GABRA2: variants seen among roughly 807,000 people sequenced by gnomAD.
The protein encoded by GABRA2 is gamma-aminobutyric acid receptor subunit alpha-2.
Under a neutral mutation model 48.7 loss-of-function variants are expected in GABRA2, and 16 were observed. The ratio of observed to expected loss-of-function variants is 0.33; its 90% confidence interval spans 0.22 to 0.50. The LOEUF is 0.50. GABRA2 is among the 20% of genes least tolerant of loss of function. The pLI is 0.98. For missense variants in GABRA2, 275 were observed against 535.6 expected (o/e 0.51, Z 4.80); for synonymous variants, 185 against 184.5 (o/e 1.00, Z -0.02).
At chr4:46,370,599 T>A (rs533792078) in intron 3 of GABRA2, among the ~76,000 whole-genome samples, 20 of 152,260 alleles carry the variant, frequency 1.3e-4, no homozygotes, top group African/African-American at 3.8e-4. Context: ...ATTACTATCT[T>A]ACTTACACCA....
intron 9 of GABRA2, among the ~76,000 whole-genome samples, chr4:46,256,042 T>G (rs1045919764): frequency 1.3e-5 from 2 of 151,534 alleles, no homozygotes; most frequent in African/African-American, 4.8e-5. Context: ...AAAGGGCAAA[T>G]CTATGCTTTT....
rs56201706 is a variant in GABRA2 at position 46,297,476 on chromosome 4, CATATATAT to C, written c.856+5976_856+5983del. The stretch of plus-strand genomic sequence containing the variant: ...GAGTTAATACTACTTAATAAAATCC[CATATATAT>C]ATATATATATATATATATATATATA... On this transcript the variant is annotated intron_variant, in intron 8 of 9. Transcript: ENST00000381620. Among the ~76,000 whole-genome samples, 523 of 87,894 alleles carry C rather than the reference CATATATAT, an allele frequency of 6.0e-3. 26 individuals are homozygous for C. Among genetic ancestry groups the C allele is most frequent in the African/African-American group, 0.023 (459 of 20,396 alleles). 57.7% of individuals were successfully genotyped at this position (87,894 alleles called of 152,430 possible).
In GABRA2 at chr4:46,350,513, A is replaced by G. The variant is rs182622656; in HGVS notation, c.188-17831T>C. On this transcript the variant is annotated intron_variant, in intron 3 of 9. Transcript: ENST00000381620. ...TTTGTATATATATACACATACATACATACCTGTATATAAATACACATGCAT... is the reference window on the plus strand; with the variant it reads ...TTTGTATATATATACACATACATACGTACCTGTATATAAATACACATGCAT... Among the ~76,000 whole-genome samples, 357 of 151,944 alleles carry G rather than the reference A, an allele frequency of 2.3e-3. 5 individuals are homozygous for G. Among genetic ancestry groups the G allele is most frequent in the African/African-American group, 8.4e-3 (350 of 41,506 alleles).
chr4:46,378,565 G>T, intron 3 of GABRA2, among the ~76,000 whole-genome samples: 1 of 151,438 alleles, frequency 6.6e-6, no homozygotes, highest in Non-Finnish European at 1.5e-5. Context: ...AGAGACCTTT[G>T]TTCACTTGTT....
chr4:46,275,553 A>G (rs1289465390), intron 8 of GABRA2, among the ~76,000 whole-genome samples: 1 of 152,158 alleles, frequency 6.6e-6, no homozygotes, highest in African/African-American at 2.4e-5. Context: ...AACCACTATT[A>G]TATTCCAATT....
intron 8 of GABRA2, among the ~76,000 whole-genome samples, chr4:46,281,462 T>A (rs554605566): frequency 6.6e-6 from 1 of 152,192 alleles, no homozygotes; most frequent in Admixed American, 6.5e-5. Context: ...TAAGAAGGCA[T>A]GAAAAGTTGG....
intron 8 of GABRA2, among the ~76,000 whole-genome samples, chr4:46,265,097 G>A (rs1717858376): frequency 6.7e-6 from 1 of 149,824 alleles, no homozygotes; most frequent in Admixed American, 6.7e-5. Context: ...ATGCAGTAGT[G>A]TGATCTTAGC....
chr4:46,326,841 A>G (rs1266083996), intron 4 of GABRA2, among the ~76,000 whole-genome samples: 1 of 151,902 alleles, frequency 6.6e-6, no homozygotes, highest in African/African-American at 2.4e-5. Flanking sequence ...GCAAAACATA[A>G]ATGTTCATCC....
At chr4:46,316,649 G>C (rs1381395905) in intron 4 of GABRA2, among the ~76,000 whole-genome samples, 2 of 152,004 alleles carry the variant, frequency 1.3e-5, no homozygotes, top group East Asian at 3.9e-4. Context: ...GGTAGAGACA[G>C]TATATTTCAT....
At chr4:46,280,156 T>C (rs751831872) in intron 8 of GABRA2, among the ~76,000 whole-genome samples, 2 of 152,030 alleles carry the variant, frequency 1.3e-5, no homozygotes, top group Non-Finnish European at 2.9e-5. Context: ...TGGAAGATGA[T>C]CTATGCAATG....
chr4:46,291,846 A>G (rs1723723635), intron 8 of GABRA2, among the ~76,000 whole-genome samples: 1 of 151,346 alleles, frequency 6.6e-6, no homozygotes, highest in African/African-American at 2.4e-5. Context: ...CTGTCCCTCT[A>G]GAGAACCCTG....
chr4:46,355,282 T>G (rs1735780242), intron 3 of GABRA2, among the ~76,000 whole-genome samples: 1 of 152,192 alleles, frequency 6.6e-6, no homozygotes, highest in African/African-American at 2.4e-5. Context: ...ATATAAGCAG[T>G]CAACAGACTC....
intron 7 of GABRA2, 92 bp downstream of exon 7, chr4:46,305,476 C>A: frequency 8.3e-7 from 1 of 1,206,702 alleles, no homozygotes; most frequent in South Asian, 1.5e-5. Context: ...ACCTCAAGAG[C>A]AAAAGATTTT....
chr4:46,256,732 AT>A (rs1466512545), intron 9 of GABRA2, among the ~76,000 whole-genome samples: 1 of 151,622 alleles, frequency 6.6e-6, no homozygotes, highest in Non-Finnish European at 1.5e-5. Context: ...TATAATTTAA[AT>A]GCATGCATTC....
At chr4:46,381,335 A>G (rs1716731441) in intron 3 of GABRA2, among the ~76,000 whole-genome samples, 1 of 152,204 alleles carries the variant, frequency 6.6e-6, no homozygotes, top group Non-Finnish European at 1.5e-5. Flanking sequence ...CCGACTTGTT[A>G]GCTCTGATGA....
chr4:46,337,590 C>T (rs1032623999), intron 3 of GABRA2, among the ~76,000 whole-genome samples: 10 of 142,150 alleles, frequency 7.0e-5, no homozygotes, highest in African/African-American at 1.0e-4. Context: ...GAGGGCAAGC[C>T]GAGACAAAGT....
intron 3 of GABRA2, among the ~76,000 whole-genome samples, chr4:46,340,126 TTA>T: frequency 6.6e-6 from 1 of 152,026 alleles, no homozygotes. Flanking sequence ...TCCTCTGTTG[TTA>T]TGACTCTTAA....
intron 5 of GABRA2, among the ~76,000 whole-genome samples, chr4:46,311,759 A>C (rs937221009): frequency 2.6e-5 from 4 of 152,178 alleles, no homozygotes; most frequent in African/African-American, 9.6e-5. Context: ...TCTGAATTTA[A>C]ATTAAAGTTA....
intron 3 of GABRA2, among the ~76,000 whole-genome samples, chr4:46,384,099 T>C (rs1717124386): frequency 1.3e-5 from 2 of 152,186 alleles, no homozygotes; most frequent in African/African-American, 4.8e-5. Flanking sequence ...AGAGGTGATA[T>C]GGCCAAGGCA....
Sources: gnomAD v4.1 joint callset for allele counts (sites outside exome capture counted in the v4.1 genomes callset) on GRCh38, gnomAD v4.1.1 for gene constraint, MANE v1.5 for transcripts, NCBI Gene and HGNC (gene_info 2026-07-23, HGNC 2026-07-21) for gene names.